The following RAD51B variants were observed in gnomAD, a reference collection of about 807,000 sequenced individuals.
RAD51B encodes DNA repair protein RAD51 homolog 2.
Under a neutral mutation model 42.2 loss-of-function variants are expected in RAD51B, and 38 were observed. The ratio of observed to expected loss-of-function variants is 0.90; its 90% CI spans 0.70 to 1.18. RAD51B has a LOEUF of 1.18. Among genes scored for constraint, RAD51B ranks in the 50% most tolerant of loss-of-function variants. The pLI, the probability that RAD51B is intolerant of heterozygous loss-of-function variation, is 0.00. For missense variants in RAD51B, 373 were observed against 400.7 expected, an observed-to-expected ratio of 0.93 and a Z score of 0.59; for synonymous variants, 154 against 145.2, an observed-to-expected ratio of 1.06 and a Z score of -0.43.
At chr14:68,185,231 G>A (rs1363309148) in intron 7 of RAD51B, among the ~76,000 whole-genome samples, 1 of 152,182 alleles carries the variant, frequency 6.6e-6, no homozygotes, top group African/African-American at 2.4e-5. Flanking sequence ...AACAATGTAA[G>A]ACTGCGCATT....
intron 7 of RAD51B, among the ~76,000 whole-genome samples, chr14:67,970,128 A>G (rs746343759): frequency 1.3e-5 from 2 of 152,174 alleles, no homozygotes; most frequent in Non-Finnish European, 1.5e-5. Context: ...AGCATGTAGT[A>G]GATTATTTCT....
chr14:67,988,942 G>GA (rs1225552633), intron 7 of RAD51B, among the ~76,000 whole-genome samples: 1 of 152,138 alleles, frequency 6.6e-6, no homozygotes, highest in Non-Finnish European at 1.5e-5. Context: ...TTGTTTAAGA[G>GA]AAAACTATTA....
intron 7 of RAD51B, among the ~76,000 whole-genome samples, chr14:68,118,224 G>A (rs1422664157): frequency 6.6e-6 from 1 of 152,062 alleles, no homozygotes; most frequent in Non-Finnish European, 1.5e-5. Flanking sequence ...TCTAATATAA[G>A]TATAGTACAG....
chr14:67,889,379 C>T (rs905497439), intron 7 of RAD51B, among the ~76,000 whole-genome samples: 6 of 148,994 alleles, frequency 4.0e-5, no homozygotes, highest in African/African-American at 1.5e-4. Context: ...GTACTTTGAA[C>T]AGGCACCATA....
In RAD51B at chr14:68,109,732, A is replaced by G. The variant is rs78403825; in HGVS notation, c.757-182152A>G. Among the ~76,000 whole-genome samples the G allele has an allele frequency of 7.6e-4, 115 of 152,164 alleles. 1 individual carries two copies. Among genetic ancestry groups the G allele is most frequent in the African/African-American group, 2.5e-3 (104 of 41,554 alleles). On this transcript the variant is annotated intron_variant, in intron 7 of 10. Transcript: ENST00000471583. Reference sequence around the variant, plus strand: ...AGGCATTCTTGCTAGTGATGGAAATAGAGGGCTGAACAGGAAAGAGTGGGC... The same window carrying G: ...AGGCATTCTTGCTAGTGATGGAAATGGAGGGCTGAACAGGAAAGAGTGGGC...
intron 10 of RAD51B, among the ~76,000 whole-genome samples, chr14:68,620,312 C>T (rs1566957113): frequency 6.6e-6 from 1 of 152,120 alleles, no homozygotes; most frequent in Non-Finnish European, 1.5e-5. Context: ...ATAGTAGGGG[C>T]CTAAGAATAG....
chr14:68,446,971 C>T (rs889852374), intron 9 of RAD51B, among the ~76,000 whole-genome samples: 13 of 152,158 alleles, frequency 8.5e-5, no homozygotes, highest in Non-Finnish European at 1.5e-5. Context: ...AATCCCAGCA[C>T]TTTAGGAGGC....
intron 7 of RAD51B, among the ~76,000 whole-genome samples, chr14:68,229,424 A>C (rs2080104581): frequency 6.6e-6 from 1 of 152,204 alleles, no homozygotes; most frequent in South Asian, 2.1e-4. Context: ...ATTTTAGAAT[A>C]GTACGTGCTA....
chr14:68,218,046 C>G (rs2079850980), intron 7 of RAD51B, among the ~76,000 whole-genome samples: 2 of 152,112 alleles, frequency 1.3e-5, no homozygotes, highest in Non-Finnish European at 2.9e-5. Flanking sequence ...ACAGTTAAAT[C>G]AACTTCACAC....
intron 9 of RAD51B, among the ~76,000 whole-genome samples, chr14:68,437,432 A>T (rs11158742): frequency 0.73 from 111,517 of 152,094 alleles, 41,200 homozygotes; most frequent in East Asian, 0.92. Context: ...GAGGATTTTT[A>T]CACATATGTC....
At chr14:67,930,037 G>C (rs956743915) in intron 7 of RAD51B, among the ~76,000 whole-genome samples, 2 of 152,072 alleles carry the variant, frequency 1.3e-5, no homozygotes, top group Non-Finnish European at 2.9e-5. Context: ...GTTTCCGTTT[G>C]TGTGGAATAT....
intron 7 of RAD51B, among the ~76,000 whole-genome samples, chr14:68,049,145 G>A (rs28448732): frequency 0.06 from 9,073 of 151,980 alleles, 640 homozygotes; most frequent in African/African-American, 0.17. Context: ...ACTCACAGGT[G>A]GGAATTGAAC....
At chr14:68,138,144 A>AT (rs34242733) in intron 7 of RAD51B, among the ~76,000 whole-genome samples, 15,514 of 151,094 alleles carry the variant, frequency 0.1, 2,390 homozygotes, top group African/African-American at 0.34. Flanking sequence ...CCCATTTAGT[A>AT]TTTTTTTTTT....
intron 8 of RAD51B, among the ~76,000 whole-genome samples, chr14:68,298,751 A>G (rs2081660892): frequency 1.3e-5 from 2 of 152,216 alleles, no homozygotes; most frequent in South Asian, 4.1e-4. Context: ...CCTTCAAGTT[A>G]GAAGGACTCT....
chr14:68,562,364 C>A (rs1889199299), intron 10 of RAD51B: 4 of 985,382 alleles, frequency 4.1e-6, no homozygotes, highest in South Asian at 4.7e-5. Flanking sequence ...AGGTGGGAAC[C>A]AAAGGCTCTT....
chr14:68,610,653 G>A (rs1183697302), intron 10 of RAD51B, among the ~76,000 whole-genome samples: 1 of 152,136 alleles, frequency 6.6e-6, no homozygotes, highest in Non-Finnish European at 1.5e-5. Context: ...CAGTCTTCTG[G>A]TCCCTCTTTT....
chr14:68,081,012 T>C (rs1419894302), intron 7 of RAD51B, among the ~76,000 whole-genome samples: 1 of 151,954 alleles, frequency 6.6e-6, no homozygotes, highest in African/African-American at 2.4e-5. Context: ...ATGTAGGGAG[T>C]CCAGTGAGAG....
At chr14:68,111,833 G>T (rs1195351739) in intron 7 of RAD51B, among the ~76,000 whole-genome samples, 1 of 152,068 alleles carries the variant, frequency 6.6e-6, no homozygotes, top group South Asian at 2.1e-4. Flanking sequence ...GCGGTGATAA[G>T]TATTACATTA....
At chr14:68,442,533 T>G (rs923516524) in intron 9 of RAD51B, among the ~76,000 whole-genome samples, 11 of 143,114 alleles carry the variant, frequency 7.7e-5, no homozygotes, top group African/African-American at 2.8e-4. Context: ...CTCCGCCTCC[T>G]GGGTTCAAGC....
Sources: gnomAD v4.1 joint callset for allele counts (sites outside exome capture counted in the v4.1 genomes callset) on GRCh38, gnomAD v4.1.1 for gene constraint, MANE v1.5 for transcripts, NCBI Gene and HGNC (gene_info 2026-07-23, HGNC 2026-07-21) for gene names.